The following NECTIN1 variants were observed in gnomAD, a reference collection of about 807,000 sequenced individuals.
NECTIN1 encodes nectin-1.
Under a neutral mutation model 48.0 loss-of-function variants are expected in NECTIN1, and 23 were observed. The ratio of observed to expected loss-of-function variants is 0.48; its 90% CI spans 0.34 to 0.68. The LOEUF is 0.68. Ranked by LOEUF, NECTIN1 falls within the 30% of genes least tolerant of loss-of-function variation. The pLI, the probability that NECTIN1 is intolerant of heterozygous loss-of-function variation, is 0.01. For synonymous variants in NECTIN1, 270 were observed against 288.9 expected, an observed-to-expected ratio of 0.93 and a Z score of 0.66; for missense variants, 591 against 709.9, an observed-to-expected ratio of 0.83 and a Z score of 1.90.
chr11:119,697,690 A>G (rs533962929), intron 1 of NECTIN1, among the ~76,000 whole-genome samples: 2 of 152,286 alleles, frequency 1.3e-5, no homozygotes, highest in African/African-American at 4.8e-5. Context: ...TTGTGTAGCT[A>G]AAGGGTGGTG....
chr11:119,684,279 C>A lies in NECTIN1; in HGVS notation c.80-5514G>T, dbSNP rs1420272696. 6.6e-6 allele frequency among the ~76,000 whole-genome samples: 1 copy of A among 152,214 alleles called. No homozygotes were observed. Among genetic ancestry groups the A allele is most frequent in the East Asian group, 1.9e-4 (1 of 5,186 alleles). ...CTTCTTTTGTCCTGGCTGTGCCAGC[C>A]CACCCCAGCCCCTCCTTTCCTGAGA... On this transcript the variant is annotated intron_variant, in intron 1 of 5. Transcript: ENST00000264025. The surrounding 1 kb of genome is among the most constrained non-coding windows in gnomAD (Gnocchi z 5.2).
downstream of NECTIN1, among the ~76,000 whole-genome samples, chr11:119,657,613 T>TA (rs1565379944): frequency 0.032 from 1,183 of 37,222 alleles, 41 homozygotes; most frequent in African/African-American, 0.073. Context: ...GACTTTGTCT[T>TA]TAAAAAAAAA....
intron 5 of NECTIN1, among the ~76,000 whole-genome samples, chr11:119,671,864 C>T (rs1395161193): frequency 6.6e-6 from 1 of 152,236 alleles, no homozygotes; most frequent in East Asian, 1.9e-4. Context: ...CCTCCCAACA[C>T]ACTGCCATTC....
At chr11:119,711,491 T>C (rs1285323906) in intron 1 of NECTIN1, among the ~76,000 whole-genome samples, 1 of 152,086 alleles carries the variant, frequency 6.6e-6, no homozygotes, top group Non-Finnish European at 1.5e-5. Flanking sequence ...GGACACCTAC[T>C]GTGTGCAAGG....
chr11:119,665,271 C>G lies in NECTIN1; in HGVS notation c.1030G>C (p.Glu344Gln). The change falls in exon 6 of 6, where the codon GAA (glutamate) becomes CAA (glutamine). Residue 344 changes from glutamate (E) to glutamine (Q), a missense_variant. Coordinates refer to ENST00000264025, the MANE Select transcript of NECTIN1 (RefSeq NM_002855.5). The surrounding 1 kb of genome is among the most constrained non-coding windows in gnomAD (Gnocchi z 5.1). Reference sequence around the variant, plus strand: ...ACCGGCCCGGCGCGCCGCCCATGTTCGGGAGGAGACGGGGTGTAGGGGAAT... The same window carrying G: ...ACCGGCCCGGCGCGCCGCCCATGTTGGGGAGGAGACGGGGTGTAGGGGAAT... The part of the protein sequence containing the change: ...TEFPYTPSPP[E>Q]HGRRAGPVPT... The G allele has an allele frequency of 6.3e-7, 1 of 1,581,300 alleles. No individual in the cohort carries two copies. The highest frequency in any genetic ancestry group is 8.6e-7 in the Non-Finnish European group (1 of 1,168,452).
chr11:119,715,842 G>C (rs901015661), intron 1 of NECTIN1, among the ~76,000 whole-genome samples: 24 of 152,190 alleles, frequency 1.6e-4, no homozygotes, highest in African/African-American at 5.3e-4. Flanking sequence ...TGAAAGAGCT[G>C]ACACCCTCAG....
In NECTIN1 at chr11:119,727,954, G is replaced by T. The variant is rs1441224773; in HGVS notation, c.79+521C>A. On this transcript the variant is annotated intron_variant, in intron 1 of 5. Transcript: ENST00000264025. The surrounding 1 kb of genome is among the most constrained non-coding windows in gnomAD (Gnocchi z 4.1). The stretch of plus-strand genomic sequence containing the variant: ...CCGCAGCAGCCGACTCTCCGCGCCC[G>T]CTGTGGGGCGGTGTGGGGCGGGAGG... Among the ~76,000 whole-genome samples the T allele has an allele frequency of 6.6e-6, 1 of 152,166 alleles. No individual in the cohort carries two copies. Among genetic ancestry groups the T allele is most frequent in the Non-Finnish European group, 1.5e-5 (1 of 68,020 alleles).
In NECTIN1 at chr11:119,664,513, A is replaced by AGCCACAGTC; in HGVS notation, c.*225_*233dup. 13 of 1,402,384 alleles carry AGCCACAGTC rather than the reference A, an allele frequency of 9.3e-6. No individual in the cohort carries two copies. In the South Asian group the frequency reaches 2.1e-4, roughly 23 times the overall value. 86.9% of individuals were successfully genotyped at this position (1,402,384 alleles called of 1,614,324 possible). ...TAAAGGGAAGATACAGTAACACTAAAGCCACAGTCGAACACAACACCATGG... is the reference window on the plus strand; with the variant it reads ...TAAAGGGAAGATACAGTAACACTAAAGCCACAGTCGCCACAGTCGAACACAACACCATGG... On this transcript the variant is annotated 3_prime_UTR_variant, in exon 6 of 6. Transcript: ENST00000264025.
At chr11:119,690,848 T>C (rs1334787232) in intron 1 of NECTIN1, among the ~76,000 whole-genome samples, 2 of 152,038 alleles carry the variant, frequency 1.3e-5, no homozygotes, top group African/African-American at 2.4e-5. Flanking sequence ...GGCCCTTCCA[T>C]CACTGCAGAA....
chr11:119,686,149 T>A (rs1865150457), intron 1 of NECTIN1, among the ~76,000 whole-genome samples: 1 of 152,210 alleles, frequency 6.6e-6, no homozygotes, highest in Non-Finnish European at 1.5e-5. Context: ...GTCTTACTGA[T>A]GCCAGCTCCT....
intron 1 of NECTIN1, among the ~76,000 whole-genome samples, chr11:119,692,935 G>A (rs1286312491): frequency 6.6e-6 from 1 of 152,212 alleles, no homozygotes; most frequent in African/African-American, 2.4e-5. Flanking sequence ...CCTGCTGGCA[G>A]TGCTGGCCTG....
At chr11:119,639,033 G>A (rs1027959767) in intron 6 of NECTIN1, among the ~76,000 whole-genome samples, 4 of 152,012 alleles carry the variant, frequency 2.6e-5, no homozygotes, top group Admixed American at 6.6e-5. Flanking sequence ...TGTCTGCCCC[G>A]GACCCCAGCC....
rs1864669728 is a variant in NECTIN1, at chr11:119,661,789, C to T, written c.*2958G>A. 1.0e-6 allele frequency: 1 copy of T among 985,380 alleles called. No homozygotes were observed. Among genetic ancestry groups the T allele is most frequent in the South Asian group, 4.7e-5 (1 of 21,284 alleles). The allele number at this position is 985,380 out of a possible 1,614,324, so 61.0% of individuals were successfully genotyped here. ...GGCTTTCAGCAGGATCAGACCATTC[C>T]CTCTGCCACATCTGTGCTGAGTGGC... On this transcript the variant is annotated 3_prime_UTR_variant, in exon 6 of 6. Transcript: ENST00000264025.
intron 7 of NECTIN1, among the ~76,000 whole-genome samples, chr11:119,638,502 T>C (rs1864270803): frequency 6.6e-6 from 1 of 152,020 alleles, no homozygotes; most frequent in African/African-American, 2.4e-5. Flanking sequence ...GAAAGGACTG[T>C]GAGGTAGAGG....
chr11:119,689,225 G>A (rs147483069), intron 1 of NECTIN1, among the ~76,000 whole-genome samples: 103 of 152,290 alleles, frequency 6.8e-4, no homozygotes, highest in African/African-American at 1.9e-3. Context: ...TGCCGTTTGC[G>A]CTCCTCACCC....
chr11:119,692,135 C>A (rs1434035077), intron 1 of NECTIN1, among the ~76,000 whole-genome samples: 1 of 152,184 alleles, frequency 6.6e-6, no homozygotes, highest in East Asian at 1.9e-4. Context: ...TCCCTCTGCC[C>A]AACACGAATC....
At chr11:119,675,132 G>C (rs1451904053) in intron 5 of NECTIN1, 27 bp downstream of exon 5, 1 of 1,613,808 alleles carries the variant, frequency 6.2e-7, no homozygotes, top group Non-Finnish European at 8.5e-7. Flanking sequence ...TGGGTGCGGA[G>C]AGGCTGGGGA....
rs116636278 is a variant in NECTIN1 at position 119,674,520 on chromosome 11, G to A, written c.1003+639C>T. The stretch of plus-strand genomic sequence containing the variant: ...GTCCCCGTTTTACAGATGGTGGGGG[G>A]GGCCCTGTCCAGGGTCACAGCTGTC... On this transcript the variant is annotated intron_variant, in intron 5 of 5. Transcript: ENST00000264025. The A allele has an allele frequency of 8.8e-4, 1,424 of 1,613,914 alleles. 12 individuals are homozygous for A. In the African/African-American group the frequency reaches 0.017, roughly 20 times the overall value.
intron 5 of NECTIN1, among the ~76,000 whole-genome samples, chr11:119,669,409 TC>T (rs1456781446): frequency 4.0e-5 from 3 of 74,434 alleles, no homozygotes; most frequent in East Asian, 7.7e-4. Flanking sequence ...AGACTCCGTC[TC>T]AAAAAAAAAA....
Sources: gnomAD v4.1 joint callset for allele counts (sites outside exome capture counted in the v4.1 genomes callset) on GRCh38, gnomAD v4.1.1 for gene constraint, Gnocchi (gnomAD v3.1) non-coding constraint, MANE v1.5 for transcripts, NCBI Gene and HGNC (gene_info 2026-07-23, HGNC 2026-07-21) for gene names.